The following ITFG1 variants were observed in gnomAD, a reference collection of about 807,000 sequenced individuals.
ITFG1 encodes the protein T-cell immunomodulatory protein.
ITFG1 carries 34 observed loss-of-function variants against 81.8 expected under a neutral mutation model. The ratio of observed to expected loss-of-function variants is 0.42; its 90% CI spans 0.32 to 0.55. The LOEUF (loss-of-function observed/expected upper bound fraction) is 0.55, where lower values mean the gene tolerates loss of function less well. Ranked by LOEUF, ITFG1 falls within the 20% of genes least tolerant of loss-of-function variation. ITFG1 has a pLI of 0.17. For missense variants in ITFG1, 672 were observed against 755.4 expected (o/e 0.89, Z 1.29); for synonymous variants, 285 against 270.6 (o/e 1.05, Z -0.52).
chr16:47,453,128 T>TA (rs1248803817), intron 3 of ITFG1, among the ~76,000 whole-genome samples: 4 of 152,208 alleles, frequency 2.6e-5, no homozygotes, highest in Admixed American at 2.6e-4. Context: ...GAAGGCCACA[T>TA]ATGCAAAACT....
At chr16:47,441,038 A>G (rs1177347148) in intron 5 of ITFG1, among the ~76,000 whole-genome samples, 1 of 152,246 alleles carries the variant, frequency 6.6e-6, no homozygotes, top group African/African-American at 2.4e-5. Flanking sequence ...CCATCAGAGA[A>G]TACTATAAAC....
intron 8 of ITFG1, among the ~76,000 whole-genome samples, chr16:47,328,555 T>G (rs1967594027): frequency 6.6e-6 from 1 of 152,116 alleles, no homozygotes. Flanking sequence ...TTTAGACACA[T>G]TTCTTACACA....
In ITFG1 at chr16:47,258,752, C is replaced by A. The variant is rs1174495001; in HGVS notation, c.1222-12G>T. Reference sequence around the variant, plus strand: ...ATGTCCAAGATTCCCTGGAAAAAAACAAACAAAAATGGTAAGAACAAACTA... The same window carrying A: ...ATGTCCAAGATTCCCTGGAAAAAAAAAAACAAAAATGGTAAGAACAAACTA... On this transcript the variant is annotated splice_polypyrimidine_tract_variant and intron_variant, in intron 11 of 17. Coordinates refer to ENST00000320640, the MANE Select transcript of ITFG1 (RefSeq NM_030790.5). The A allele has an allele frequency of 5.4e-6, 7 of 1,295,030 alleles. No individual in the cohort carries two copies. The highest frequency in any genetic ancestry group is 5.1e-5 in the Admixed American group (2 of 39,432). The allele number at this position is 1,295,030 out of a possible 1,614,324, so 80.2% of individuals were successfully genotyped here. A position where few individuals can be genotyped will look rare whatever the true frequency, so the allele number is the denominator to read the frequency against.
At chr16:47,201,838 A>T (rs1018402508) in intron 14 of ITFG1, among the ~76,000 whole-genome samples, 2 of 152,162 alleles carry the variant, frequency 1.3e-5, no homozygotes, top group African/African-American at 4.8e-5. Flanking sequence ...TGTATTGTTT[A>T]TCTTTGTATC....
chr16:47,441,101 C>A (rs1969243369), intron 5 of ITFG1, among the ~76,000 whole-genome samples: 1 of 152,180 alleles, frequency 6.6e-6, no homozygotes, highest in Admixed American at 6.5e-5. Context: ...AATTCCTCGA[C>A]ACATACACCC....
intron 10 of ITFG1, among the ~76,000 whole-genome samples, chr16:47,298,980 C>T (rs1967028708): frequency 6.6e-6 from 1 of 152,148 alleles, no homozygotes; most frequent in South Asian, 2.1e-4. Context: ...GAACCCTGCA[C>T]TCAGGCCCCC....
chr16:47,308,797 G>T (rs1967210442), intron 10 of ITFG1, among the ~76,000 whole-genome samples: 1 of 151,990 alleles, frequency 6.6e-6, no homozygotes, highest in African/African-American at 2.4e-5. Context: ...TTTATTTTTA[G>T]CTACTTCTAG....
intron 10 of ITFG1, among the ~76,000 whole-genome samples, chr16:47,286,902 C>T (rs981520966): frequency 1.3e-5 from 2 of 152,210 alleles, no homozygotes; most frequent in African/African-American, 4.8e-5. Context: ...ACTCACTGAA[C>T]ATCTCACATT....
chr16:47,311,688 G>T (rs780210871), intron 9 of ITFG1, among the ~76,000 whole-genome samples: 3 of 151,980 alleles, frequency 2.0e-5, no homozygotes, highest in Non-Finnish European at 2.9e-5. Flanking sequence ...ATGAATCTTA[G>T]GATTGAACTG....
intron 6 of ITFG1, among the ~76,000 whole-genome samples, chr16:47,389,884 G>C (rs142989155): frequency 2.2e-4 from 33 of 152,302 alleles, no homozygotes; most frequent in African/African-American, 5.8e-4. Context: ...AGGACCAAAG[G>C]ACTGAGGCAT....
rs546924977 is a variant in ITFG1 at position 47,427,165 on chromosome 16, T to G, written c.655+1639A>C. 6.6e-5 allele frequency among the ~76,000 whole-genome samples: 10 copies of G among 152,320 alleles called. No homozygotes were observed. In the South Asian group the frequency reaches 8.3e-4, roughly 13 times the overall value. ...GCAACTCCTGTTGAAATAATGGGGC[T>G]GACAATAATCATTCATACCTCCTAA... On this transcript the variant is annotated intron_variant, in intron 6 of 17. Transcript: ENST00000320640.
intron 14 of ITFG1, among the ~76,000 whole-genome samples, chr16:47,210,360 T>C (rs1174944486): frequency 1.3e-5 from 2 of 152,186 alleles, no homozygotes; most frequent in African/African-American, 4.8e-5. Flanking sequence ...TGTCTCTTCA[T>C]GTCTCTTGTC....
intron 5 of ITFG1, among the ~76,000 whole-genome samples, chr16:47,433,827 AT>A (rs1969125272): frequency 7.2e-6 from 1 of 138,418 alleles, no homozygotes; most frequent in African/African-American, 2.6e-5. Context: ...ATAGTTGTCA[AT>A]AAGAACTAAA....
At chr16:47,338,529 A>C (rs1458729573) in intron 8 of ITFG1, among the ~76,000 whole-genome samples, 1 of 152,202 alleles carries the variant, frequency 6.6e-6, no homozygotes, top group Non-Finnish European at 1.5e-5. Context: ...TGTTCGGTTT[A>C]GAGCAAAAAA....
At chr16:47,336,733 G>A (rs1201890680) in intron 8 of ITFG1, among the ~76,000 whole-genome samples, 1 of 152,068 alleles carries the variant, frequency 6.6e-6, no homozygotes, top group Non-Finnish European at 1.5e-5. Context: ...GGAGGCCGAG[G>A]AGGCGGGTCA....
intron 8 of ITFG1, among the ~76,000 whole-genome samples, chr16:47,325,501 C>T (rs566946087): frequency 5.3e-5 from 8 of 152,080 alleles, no homozygotes; most frequent in Non-Finnish European, 1.0e-4. Flanking sequence ...AATAGAGACA[C>T]AAAAAACCCT....
chr16:47,304,014 A>G (rs1017963924), intron 10 of ITFG1, among the ~76,000 whole-genome samples: 1 of 150,972 alleles, frequency 6.6e-6, no homozygotes, highest in Non-Finnish European at 1.5e-5. Flanking sequence ...TGGGATTTGG[A>G]AAAAAAAAAT....
At chr16:47,294,168 T>C (rs1439855872) in intron 10 of ITFG1, among the ~76,000 whole-genome samples, 1 of 152,126 alleles carries the variant, frequency 6.6e-6, no homozygotes, top group South Asian at 2.1e-4. Flanking sequence ...CAGTTAACTG[T>C]AGACTTTTGG....
chr16:47,178,637 AG>A (rs1965059633), intron 14 of ITFG1, among the ~76,000 whole-genome samples: 1 of 152,214 alleles, frequency 6.6e-6, no homozygotes, highest in South Asian at 2.1e-4. Context: ...AAGAAAACCT[AG>A]GCAATACCAT....
Sources: allele counts gnomAD v4.1 joint callset (sites outside exome capture counted in the v4.1 genomes callset), GRCh38; gene constraint gnomAD v4.1.1; transcripts MANE v1.5; gene names NCBI Gene and HGNC (gene_info 2026-07-23, HGNC 2026-07-21).